The following PDGFC variants were observed in gnomAD, a reference collection of about 807,000 sequenced individuals.
The protein encoded by PDGFC is platelet derived growth factor C, also known as platelet-derived growth factor C.
PDGFC carries 12 observed loss-of-function variants against 35.5 expected under a neutral mutation model. The ratio of observed to expected loss-of-function variants is 0.34; its 90% CI spans 0.22 to 0.55. The LOEUF is 0.55. PDGFC is among the 20% of genes least tolerant of loss of function. The pLI is 0.91. For synonymous variants in PDGFC, 159 were observed against 148.8 expected, an observed-to-expected ratio of 1.07 and a Z score of -0.50; for missense variants, 322 against 412.4, an observed-to-expected ratio of 0.78 and a Z score of 1.90.
chr4:156,816,064 AAGG>A (rs1732077837), intron 2 of PDGFC, among the ~76,000 whole-genome samples: 1 of 152,214 alleles, frequency 6.6e-6, no homozygotes, highest in Non-Finnish European at 1.5e-5. Flanking sequence ...TGAGAATTTT[AAGG>A]AGTATACCAA....
At chr4:156,769,210 C>G (rs1345134469) in intron 4 of PDGFC, among the ~76,000 whole-genome samples, 1 of 151,510 alleles carries the variant, frequency 6.6e-6, no homozygotes, top group African/African-American at 2.4e-5. Context: ...AAAAAGAAAG[C>G]TATTTTCTGG....
chr4:156,829,618 T>TAAA (rs372544768), intron 2 of PDGFC, among the ~76,000 whole-genome samples: 36 of 152,326 alleles, frequency 2.4e-4, no homozygotes, highest in African/African-American at 7.9e-4. Context: ...CCATATCCTT[T>TAAA]GATAGTCTCT....
intron 3 of PDGFC, among the ~76,000 whole-genome samples, chr4:156,799,786 G>C (rs1438327062): frequency 1.3e-5 from 2 of 152,012 alleles, no homozygotes; most frequent in African/African-American, 4.8e-5. Flanking sequence ...TTAGACTCCA[G>C]GTGACATTTT....
chr4:156,903,172 T>C (rs1327524506), intron 1 of PDGFC, among the ~76,000 whole-genome samples: 2 of 151,074 alleles, frequency 1.3e-5, no homozygotes, highest in Non-Finnish European at 3.0e-5. Context: ...AAAAGGGCAG[T>C]TATTTCAAAG....
intron 1 of PDGFC, among the ~76,000 whole-genome samples, chr4:156,853,615 A>T (rs1314847239): frequency 6.6e-6 from 1 of 152,152 alleles, no homozygotes; most frequent in Non-Finnish European, 1.5e-5. Flanking sequence ...CTAAGAATAC[A>T]GAAGGAACTA....
chr4:156,789,698 C>T (rs1400223255), intron 3 of PDGFC, among the ~76,000 whole-genome samples: 1 of 152,036 alleles, frequency 6.6e-6, no homozygotes, highest in Non-Finnish European at 1.5e-5. Context: ...GAATACTGGC[C>T]GGGTGCAGTG....
chr4:156,862,315 A>G (rs1006501968), intron 1 of PDGFC, among the ~76,000 whole-genome samples: 17 of 152,186 alleles, frequency 1.1e-4, no homozygotes, highest in Admixed American at 9.2e-4. Flanking sequence ...GACTGCTGAT[A>G]ATGACTTACA....
intron 3 of PDGFC, among the ~76,000 whole-genome samples, chr4:156,788,640 G>A (rs1731194465): frequency 6.6e-6 from 1 of 152,140 alleles, no homozygotes; most frequent in Non-Finnish European, 1.5e-5. Context: ...TTAGCTTCAA[G>A]GGACTTGAAA....
chr4:156,909,476 G>A (rs894801999), intron 1 of PDGFC, among the ~76,000 whole-genome samples: 3 of 152,162 alleles, frequency 2.0e-5, no homozygotes, highest in African/African-American at 7.2e-5. Context: ...ACATTTGGGA[G>A]AGTGTAATTT....
intron 5 of PDGFC, among the ~76,000 whole-genome samples, chr4:156,765,101 A>G (rs1730485466): frequency 6.6e-6 from 1 of 152,208 alleles, no homozygotes; most frequent in Non-Finnish European, 1.5e-5. Flanking sequence ...ATGGAGATTT[A>G]CAAATAGCAG....
intron 1 of PDGFC, among the ~76,000 whole-genome samples, chr4:156,926,958 C>T (rs936872792): frequency 5.9e-5 from 9 of 152,212 alleles, no homozygotes; most frequent in African/African-American, 2.2e-4. Flanking sequence ...CTGCAGCAAA[C>T]TTCTGCCTGG....
intron 2 of PDGFC, among the ~76,000 whole-genome samples, chr4:156,811,775 C>T (rs1731937326): frequency 6.6e-6 from 1 of 152,064 alleles, no homozygotes; most frequent in Non-Finnish European, 1.5e-5. Context: ...GTGGTGTTCA[C>T]TGAGACCATT....
intron 4 of PDGFC, among the ~76,000 whole-genome samples, chr4:156,771,075 G>A (rs1578998176): frequency 6.6e-6 from 1 of 152,116 alleles, no homozygotes; most frequent in East Asian, 1.9e-4. Flanking sequence ...CTTTTTGCAT[G>A]CTTAAAAAGT....
chr4:156,798,185 C>G (rs1005348792), intron 3 of PDGFC, among the ~76,000 whole-genome samples: 1 of 152,096 alleles, frequency 6.6e-6, no homozygotes, highest in Non-Finnish European at 1.5e-5. Context: ...GAGCGAGACT[C>G]CGTCACAAAA....
At chr4:156,764,742 CTGATT>C (rs1730474149) in intron 5 of PDGFC, among the ~76,000 whole-genome samples, 1 of 151,962 alleles carries the variant, frequency 6.6e-6, no homozygotes, top group Admixed American at 6.6e-5. Flanking sequence ...TATGTTAGTA[CTGATT>C]TATTATTTTT....
intron 2 of PDGFC, among the ~76,000 whole-genome samples, chr4:156,821,336 C>T (rs1300624533): frequency 2.0e-5 from 3 of 151,942 alleles, no homozygotes; most frequent in Non-Finnish European, 4.4e-5. Flanking sequence ...TTAAGCAATT[C>T]TTCCTACCTC....
chr4:156,927,632 G>A (rs1731445505), intron 1 of PDGFC, among the ~76,000 whole-genome samples: 1 of 152,096 alleles, frequency 6.6e-6, no homozygotes, highest in Admixed American at 6.5e-5. Flanking sequence ...TTCCCAACAA[G>A]TTCCTCATCT....
chr4:156,847,874 A>T (rs989434606), intron 2 of PDGFC, among the ~76,000 whole-genome samples: 1 of 151,700 alleles, frequency 6.6e-6, no homozygotes, highest in Admixed American at 6.6e-5. Context: ...TAAGAAAAAC[A>T]AAATTGACCA....
chr4:156,901,887 TAGGCATGAGCCA>T (rs1455359774), intron 1 of PDGFC, among the ~76,000 whole-genome samples: 1 of 152,094 alleles, frequency 6.6e-6, no homozygotes, highest in East Asian at 1.9e-4. Context: ...TCTGGAATTA[TAGGCATGAGCCA>T]CGGAGCCTGG....
Sources: gnomAD v4.1 joint callset for allele counts (sites outside exome capture counted in the v4.1 genomes callset) on GRCh38, gnomAD v4.1.1 for gene constraint, MANE v1.5 for transcripts, NCBI Gene and HGNC (gene_info 2026-07-23, HGNC 2026-07-21) for gene names.